PAPPA2: variants seen among roughly 807,000 people sequenced by gnomAD.
PAPPA2 encodes the protein pappalysin 2.
Under a neutral mutation model 176.4 loss-of-function variants are expected in PAPPA2, and 86 were observed. The ratio of observed to expected loss-of-function variants is 0.49; its 90% CI spans 0.41 to 0.58. The LOEUF is 0.58. Among genes scored for constraint, PAPPA2 ranks in the 20% least tolerant of loss-of-function variants. The probability of loss-of-function intolerance (pLI) is 0.00; values close to 1 mark genes in which losing one functional copy is unlikely to be tolerated. For missense variants in PAPPA2, 2,073 were observed against 2,256.9 expected (o/e 0.92, Z 1.65); for synonymous variants, 809 against 852.2 (o/e 0.95, Z 0.88).
In PAPPA2 at chr1:176,771,055, T is replaced by C. The variant is rs1664202000; in HGVS notation, c.4590T>C (p.Ile1530=). Residue 1530 remains isoleucine (I), a synonymous_variant, in exon 17 of 23, where the codon ATT becomes ATC. Transcript: ENST00000367662. ...AGTTGGAGTGTGATGCTCCCCCTAT[T>C]ATTCTGAATGCCAACTTGCTCCTGC... The part of the protein sequence containing the change: ...YCKLECDAPP[I]ILNANLLLPH... 2.5e-6 allele frequency: 4 copies of C among 1,613,958 alleles called. No homozygotes were observed. The Admixed American group carries it at 5.0e-5, about 20-fold the overall frequency.
chr1:176,748,832 A>G (rs1014263700), intron 14 of PAPPA2, among the ~76,000 whole-genome samples: 1 of 152,212 alleles, frequency 6.6e-6, no homozygotes, highest in African/African-American at 2.4e-5. Context: ...GCTACACCAT[A>G]TAGCCTATGT....
In PAPPA2 at chr1:176,699,395, T is replaced by C; in HGVS notation, c.3042T>C (p.Asp1014=). ...CACTCACCATCAAACTGCACGTGGA[T>C]GGGAAGGTGTCGGGGGTGAAAGTCT... The part of the protein sequence containing the change: ...DIPLTIKLHV[D]GKVSGVKVYT... The change falls in exon 8 of 23, where the codon GAT becomes GAC. Residue 1014 remains aspartate (D), a synonymous_variant. Transcript: ENST00000367662. 1 of 1,614,108 alleles carries C rather than the reference T, an allele frequency of 6.2e-7. No individual in the cohort carries two copies.
At chr1:176,807,610 C>T (rs908172110) in intron 21 of PAPPA2, among the ~76,000 whole-genome samples, 42 of 151,772 alleles carry the variant, frequency 2.8e-4, no homozygotes, top group African/African-American at 9.2e-4. Context: ...ATTCTGCTGC[C>T]TCAGCCTACC....
At chr1:176,677,651 C>T (rs750869151) in intron 4 of PAPPA2, among the ~76,000 whole-genome samples, 5 of 152,132 alleles carry the variant, frequency 3.3e-5, no homozygotes, top group Admixed American at 6.6e-5. Flanking sequence ...ATACCATACT[C>T]ATTGTCATTG....
In PAPPA2 at chr1:176,634,361, G is replaced by A. The variant is rs140632457; in HGVS notation, c.1992-36609G>A. On this transcript the variant is annotated intron_variant, in intron 3 of 22. Coordinates refer to ENST00000367662, the MANE Select transcript of PAPPA2 (RefSeq NM_020318.3). ...AAGGACAAAAAACCAAACACTGCAT[G>A]TTCTCACTAATAGGTGGGAATTGAA... Among the ~76,000 whole-genome samples the A allele has an allele frequency of 5.1e-3, 770 of 152,170 alleles. 13 individuals are homozygous for A. Among genetic ancestry groups the A allele is most frequent in the African/African-American group, 0.017 (699 of 41,512 alleles).
intron 1 of PAPPA2, among the ~76,000 whole-genome samples, chr1:176,546,764 G>A (rs577998863): frequency 2.0e-5 from 3 of 152,274 alleles, no homozygotes; most frequent in African/African-American, 4.8e-5. Flanking sequence ...TAACCACATC[G>A]ATAGGAATTG....
At chr1:176,802,364 C>T (rs912711795) in intron 21 of PAPPA2, among the ~76,000 whole-genome samples, 3 of 151,894 alleles carry the variant, frequency 2.0e-5, no homozygotes, top group African/African-American at 4.8e-5. Context: ...TGCAAAGAGG[C>T]GGGTGAAAAT....
intron 4 of PAPPA2, among the ~76,000 whole-genome samples, chr1:176,685,995 C>T (rs1659818499): frequency 6.6e-6 from 1 of 152,118 alleles, no homozygotes; most frequent in African/African-American, 2.4e-5. Context: ...AATGAAAACC[C>T]ACTCCTTAAT....
intron 21 of PAPPA2, among the ~76,000 whole-genome samples, chr1:176,808,037 C>A (rs1203810614): frequency 6.6e-6 from 1 of 152,158 alleles, no homozygotes; most frequent in Non-Finnish European, 1.5e-5. Context: ...ATCATTACTA[C>A]ATGCTCTGTT....
intron 4 of PAPPA2, among the ~76,000 whole-genome samples, chr1:176,687,509 C>T (rs1659896594): frequency 6.6e-6 from 1 of 152,104 alleles, no homozygotes; most frequent in African/African-American, 2.4e-5. Context: ...TGATGACCAC[C>T]CCCATATTCT....
chr1:176,537,671 T>C (rs1315359512), intron 1 of PAPPA2, among the ~76,000 whole-genome samples: 1 of 151,378 alleles, frequency 6.6e-6, no homozygotes, highest in Non-Finnish European at 1.5e-5. Flanking sequence ...GACTTTTGGC[T>C]GAAAAGAGAA....
At chr1:176,613,576 C>T (rs1364585246) in intron 3 of PAPPA2, among the ~76,000 whole-genome samples, 1 of 152,216 alleles carries the variant, frequency 6.6e-6, no homozygotes, top group African/African-American at 2.4e-5. Flanking sequence ...TTCCACTTCT[C>T]TCCATAGCCT....
At chr1:176,623,763 C>CTTTA (rs1558479720) in intron 3 of PAPPA2, among the ~76,000 whole-genome samples, 1 of 94,204 alleles carries the variant, frequency 1.1e-5, no homozygotes. Flanking sequence ...TCCTTCCTTT[C>CTTTA]TTTCTTTCTT....
At chr1:176,694,612 G>A (rs926601567) in intron 6 of PAPPA2, among the ~76,000 whole-genome samples, 4 of 152,192 alleles carry the variant, frequency 2.6e-5, no homozygotes, top group Non-Finnish European at 4.4e-5. Flanking sequence ...TCATTCACAA[G>A]TGGGCTTCTA....
chr1:176,629,835 T>G (rs1656243847), intron 3 of PAPPA2, among the ~76,000 whole-genome samples: 1 of 152,170 alleles, frequency 6.6e-6, no homozygotes, highest in Non-Finnish European at 1.5e-5. Flanking sequence ...ATAGGTTATA[T>G]TTTAGAAGCA....
intron 3 of PAPPA2, among the ~76,000 whole-genome samples, chr1:176,612,421 C>A (rs988512493): frequency 2.0e-5 from 3 of 151,992 alleles, no homozygotes; most frequent in Admixed American, 1.3e-4. Flanking sequence ...CAAAAAACAA[C>A]AACGACAGCA....
chr1:176,778,976 T>A (rs1664583008), intron 17 of PAPPA2, among the ~76,000 whole-genome samples: 1 of 152,136 alleles, frequency 6.6e-6, no homozygotes, highest in Admixed American at 6.5e-5. Context: ...CATACACACC[T>A]GGGTGCAGGC....
intron 17 of PAPPA2, among the ~76,000 whole-genome samples, chr1:176,773,986 C>A (rs1334307949): frequency 6.6e-6 from 1 of 152,104 alleles, no homozygotes; most frequent in African/African-American, 2.4e-5. Context: ...TAAAGACAGA[C>A]ACATAAATAA....
chr1:176,652,430 A>G (rs972171246), intron 3 of PAPPA2, among the ~76,000 whole-genome samples: 5 of 151,736 alleles, frequency 3.3e-5, no homozygotes, highest in Admixed American at 6.6e-5. Flanking sequence ...CCTTGGTTCT[A>G]GTAAACAATC....
Sources: gnomAD v4.1 joint callset for allele counts (sites outside exome capture counted in the v4.1 genomes callset) on GRCh38, gnomAD v4.1.1 for gene constraint, MANE v1.5 for transcripts, NCBI Gene and HGNC (gene_info 2026-07-23, HGNC 2026-07-21) for gene names.